SLC5A4: variants seen among roughly 807,000 people sequenced by gnomAD.
SLC5A4 encodes solute carrier family 5 member 4, also known as probable glucose sensor protein SLC5A4.
In SLC5A4, 55 loss-of-function variants were observed where a neutral mutation model predicts 70.3. That is an observed-to-expected ratio of 0.78 (90% CI 0.63 to 0.98). The LOEUF is 0.98. Among genes scored for constraint, SLC5A4 ranks in the 50% least tolerant of loss-of-function variants. The probability of loss-of-function intolerance (pLI) is 0.00; values close to 1 mark genes in which losing one functional copy is unlikely to be tolerated. For synonymous variants in SLC5A4, 268 were observed against 305.7 expected (o/e 0.88, Z 1.29); for missense variants, 735 against 839.2 (o/e 0.88, Z 1.53).
At chr22:32,298,216 T>C in the SLC5A4 span, among the ~76,000 whole-genome samples, 253 of 143,820 alleles carry the variant, frequency 1.8e-3, 1 homozygote, top group African/African-American at 6.5e-3. Context: ...CCTTGTTGAC[T>C]TTCTGTCTCG....
the SLC5A4 span, among the ~76,000 whole-genome samples, chr22:32,300,532 C>G: frequency 1.3e-5 from 2 of 151,084 alleles, no homozygotes; most frequent in African/African-American, 2.4e-5. Flanking sequence ...ACACGGTGCG[C>G]GCACCCACTG....
chr22:32,266,262 G>A, the SLC5A4 span, among the ~76,000 whole-genome samples: 17 of 152,172 alleles, frequency 1.1e-4, no homozygotes, highest in Admixed American at 8.5e-4. Context: ...CCAGGGGCCC[G>A]TGTCTTTTGG....
At chr22:32,315,794 T>TAA in the SLC5A4 span, among the ~76,000 whole-genome samples, 918 of 95,904 alleles carry the variant, frequency 9.6e-3, 15 homozygotes, top group African/African-American at 0.033. Context: ...CACACTTGCT[T>TAA]AAAAAAAAAA....
the SLC5A4 span, chr22:32,269,405 C>T: frequency 4.2e-6 from 2 of 471,716 alleles, no homozygotes; most frequent in Non-Finnish European, 8.3e-6. This position sits in a 1 kb window ranked among gnomAD's most constrained non-coding sequence, Gnocchi z 4.1. Context: ...TGTGCAGGCC[C>T]TGGATGAGAA....
chr22:32,323,250 A>C, the SLC5A4 span, among the ~76,000 whole-genome samples: 5 of 151,672 alleles, frequency 3.3e-5, no homozygotes, highest in Non-Finnish European at 2.9e-5. Context: ...GCACCTCCTC[A>C]CCCCCTCCCC....
chr22:32,316,108 G>GGAAA, the SLC5A4 span, among the ~76,000 whole-genome samples: 7 of 132,020 alleles, frequency 5.3e-5, no homozygotes, highest in African/African-American at 2.0e-4. Context: ...GACTCTGTCT[G>GGAAA]AAAAAAAAAA....
At chr22:32,354,947 C>A in the SLC5A4 span, 1 of 152,440 alleles carries the variant, frequency 6.6e-6, no homozygotes. Context: ...AGTTGCTCCT[C>A]CTCCTTTTCC....
At chr22:32,304,558 T>G in the SLC5A4 span, among the ~76,000 whole-genome samples, 5 of 152,204 alleles carry the variant, frequency 3.3e-5, no homozygotes, top group Non-Finnish European at 7.3e-5. Context: ...GAATGACAGG[T>G]GCAAGCCACT....
chr22:32,283,132 T>C, the SLC5A4 span, among the ~76,000 whole-genome samples: 1 of 152,174 alleles, frequency 6.6e-6, no homozygotes, highest in African/African-American at 2.4e-5. Flanking sequence ...CTCCTATTGC[T>C]CCTTCTGCAT....
intron 6 of SLC5A4, 115 bp downstream of exon 6, chr22:32,238,865 GGAAAT>G: frequency 4.2e-6 from 3 of 708,854 alleles, no homozygotes; most frequent in Non-Finnish European, 7.7e-6. Flanking sequence ...CTCTCATAGT[GGAAAT>G]GAAATGGTGC....
At chr22:32,331,865 C>T in the SLC5A4 span, among the ~76,000 whole-genome samples, 4 of 152,086 alleles carry the variant, frequency 2.6e-5, no homozygotes, top group East Asian at 7.7e-4. Flanking sequence ...GGGGCTGCTC[C>T]TCCCCAGGCC....
the SLC5A4 span, among the ~76,000 whole-genome samples, chr22:32,307,854 T>C: frequency 6.6e-6 from 1 of 152,186 alleles, no homozygotes; most frequent in Admixed American, 6.5e-5. Context: ...CCCAATGCTG[T>C]GGGGACCAGG....
chr22:32,301,637 C>A, the SLC5A4 span, among the ~76,000 whole-genome samples: 1 of 152,216 alleles, frequency 6.6e-6, no homozygotes, highest in Admixed American at 6.5e-5. Flanking sequence ...AAAATCCTAG[C>A]TACCTTATTT....
At position 32,244,559 on chromosome 22, in the gene SLC5A4, A is replaced by G. The variant is rs535093466; in HGVS notation, c.477+2852T>C. 7.5e-4 allele frequency among the ~76,000 whole-genome samples: 114 copies of G among 152,286 alleles called. 1 individual carries two copies. Among genetic ancestry groups the G allele is most frequent in the Non-Finnish European group, 7.4e-5 (5 of 68,016 alleles). ...TGAATTTTTTCCTAAAGAAATAGGG[A>G]CTACTCCAGGTCACTCACGCTGTGG... is the stretch of plus-strand genomic sequence containing the variant. On this transcript the variant is annotated intron_variant, in intron 5 of 14. Coordinates refer to ENST00000266086, the MANE Select transcript of SLC5A4 (RefSeq NM_014227.3).
chr22:32,317,666 GT>G, the SLC5A4 span, among the ~76,000 whole-genome samples: 1 of 152,076 alleles, frequency 6.6e-6, no homozygotes, highest in Non-Finnish European at 1.5e-5. Flanking sequence ...GGGTCTTGCT[GT>G]TTTGCCCAGG....
the SLC5A4 span, among the ~76,000 whole-genome samples, chr22:32,299,391 T>C: frequency 8.0e-6 from 1 of 125,610 alleles, no homozygotes; most frequent in South Asian, 2.6e-4. Context: ...CCTTCTCGCT[T>C]CATTTCATTC....
the SLC5A4 span, among the ~76,000 whole-genome samples, chr22:32,294,323 T>C: frequency 2.6e-5 from 4 of 152,234 alleles, no homozygotes; most frequent in African/African-American, 9.6e-5. Flanking sequence ...CAGTTGTATC[T>C]AATCTGATTT....
chr22:32,307,872 C>A, the SLC5A4 span, among the ~76,000 whole-genome samples: 1 of 152,142 alleles, frequency 6.6e-6, no homozygotes, highest in South Asian at 2.1e-4. Flanking sequence ...AGGCAGACAC[C>A]CTCTGATACC....
the SLC5A4 span, among the ~76,000 whole-genome samples, chr22:32,273,692 A>G: frequency 6.6e-6 from 1 of 152,236 alleles, no homozygotes; most frequent in African/African-American, 2.4e-5. Context: ...CAGAAGTTAC[A>G]AAACCAAACC....
Sources: gnomAD v4.1 joint callset for allele counts (sites outside exome capture counted in the v4.1 genomes callset) on GRCh38, gnomAD v4.1.1 for gene constraint, Gnocchi (gnomAD v3.1) non-coding constraint, MANE v1.5 for transcripts, NCBI Gene and HGNC (gene_info 2026-07-23, HGNC 2026-07-21) for gene names.